The following BRD4 variants were observed in gnomAD, a reference collection of about 807,000 sequenced individuals.
BRD4 encodes the protein bromodomain containing 4.
Under a neutral mutation model 142.1 loss-of-function variants are expected in BRD4, and 16 were observed. That is an observed-to-expected ratio of 0.11 (90% CI 0.08 to 0.17). BRD4 has a LOEUF of 0.17. Among genes scored for constraint, BRD4 ranks in the 10% least tolerant of loss-of-function variants. BRD4 has a pLI of 1.00. For synonymous variants in BRD4, 833 were observed against 707.5 expected, an observed-to-expected ratio of 1.18 and a Z score of -2.82; for missense variants, 1,424 against 1,810.9, an observed-to-expected ratio of 0.79 and a Z score of 3.88.
intron 1 of BRD4, among the ~76,000 whole-genome samples, chr19:15,303,186 G>C (rs1360535821): frequency 1.3e-5 from 2 of 152,114 alleles, no homozygotes; most frequent in African/African-American, 2.4e-5. Context: ...CTGGAGAAGA[G>C]AAGCTATTTC....
intron 14 of BRD4, among the ~76,000 whole-genome samples, chr19:15,242,633 A>C (rs1056383808): frequency 6.6e-6 from 1 of 152,084 alleles, no homozygotes; most frequent in Non-Finnish European, 1.5e-5. Flanking sequence ...ACCTAGCAAG[A>C]AGTCACCTAG....
In BRD4 at chr19:15,257,073, G is replaced by A. The variant is rs765955810; in HGVS notation, c.1442C>T (p.Ala481Val). The A allele has an allele frequency of 6.2e-7, 1 of 1,605,736 alleles. No homozygotes were observed. The highest frequency in any genetic ancestry group is 8.5e-7 in the Non-Finnish European group (1 of 1,178,122). Reference sequence around the variant, plus strand: ...GCTGCTGTCGCTGGATGAGGGCGGGGCCACAACCTTGGTGGGAGGGGGCAC... The same window carrying A: ...GCTGCTGTCGCTGGATGAGGGCGGGACCACAACCTTGGTGGGAGGGGGCAC... ...PAVPPPTKVV[A>V]PPSSSDSSSD... is the part of the protein sequence containing the mutation. The change falls in exon 8 of 20, where the codon GCC becomes GTC. Residue 481 changes from alanine (A) to valine (V), a missense_variant. Ala to Val is a moderately conservative substitution (Grantham distance 64, BLOSUM62 0). Transcript: ENST00000679869.
At chr19:15,307,031 T>C (rs2047920152) in intron 1 of BRD4, among the ~76,000 whole-genome samples, 1 of 152,144 alleles carries the variant, frequency 6.6e-6, no homozygotes, top group Admixed American at 6.6e-5. Context: ...AAACGAGGTA[T>C]ACCTATACAT....
intron 1 of BRD4, among the ~76,000 whole-genome samples, chr19:15,286,035 C>T (rs1261903103): frequency 1.3e-5 from 2 of 152,198 alleles, no homozygotes; most frequent in African/African-American, 2.4e-5. Context: ...AGGCTTGCCT[C>T]GTCCAGGGAG....
At chr19:15,310,188 A>C (rs1366033950) in intron 1 of BRD4, among the ~76,000 whole-genome samples, 1 of 149,006 alleles carries the variant, frequency 6.7e-6, no homozygotes, top group Non-Finnish European at 1.5e-5. Flanking sequence ...TGAAAGGGTG[A>C]GATCCAATCC....
chr19:15,278,105 C>CAAAA (rs59204229), intron 1 of BRD4, among the ~76,000 whole-genome samples: 47 of 55,034 alleles, frequency 8.5e-4, no homozygotes, highest in Non-Finnish European at 1.2e-3. Context: ...GACTCCGTCT[C>CAAAA]AAAAAAAAAA....
At chr19:15,273,584 T>A (rs2145627011) in intron 1 of BRD4, among the ~76,000 whole-genome samples, 1 of 152,306 alleles carries the variant, frequency 6.6e-6, no homozygotes. Context: ...ACACAAAGCA[T>A]CGAGCAAAGT....
rs529353215 is a variant in BRD4 at position 15,250,214 on chromosome 19, C to T, written c.2158+3938G>A. The stretch of plus-strand genomic sequence containing the variant: ...CCATGAAGCCCCAGAATCCCTCCAG[C>T]TGCAAATGCTGGCTGTTTGTGGGGG... On this transcript the variant is annotated intron_variant, in intron 11 of 19. Transcript: ENST00000679869. Among the ~76,000 whole-genome samples, 4 of 152,364 alleles carry T rather than the reference C, an allele frequency of 2.6e-5. No individual in the cohort carries two copies. In the East Asian group the frequency reaches 7.7e-4, roughly 29 times the overall value.
chr19:15,322,990 C>T (rs2048076953), intron 1 of BRD4, among the ~76,000 whole-genome samples: 1 of 151,416 alleles, frequency 6.6e-6, no homozygotes. Context: ...GTGGAGCTTT[C>T]AGTGAGCTGA....
At chr19:15,301,865 GAAAAAAAAA>G (rs952860124) in intron 1 of BRD4, among the ~76,000 whole-genome samples, 3,151 of 40,484 alleles carry the variant, frequency 0.078, 40 homozygotes, top group Non-Finnish European at 0.11. Context: ...CCGTCTCAAA[GAAAAAAAAA>G]AAAAAAAAAA....
At chr19:15,313,711 G>A (rs117070764) in intron 1 of BRD4, among the ~76,000 whole-genome samples, 1 of 152,280 alleles carries the variant, frequency 6.6e-6, no homozygotes, top group East Asian at 1.9e-4. Flanking sequence ...AGTAAGAACT[G>A]TTTAATGTAT....
At chr19:15,294,237 T>C (rs947724197) in intron 1 of BRD4, among the ~76,000 whole-genome samples, 2 of 152,268 alleles carry the variant, frequency 1.3e-5, no homozygotes, top group Non-Finnish European at 2.9e-5. Context: ...AATGTTCTTG[T>C]TCCCTTGCAT....
chr19:15,243,791 C>G (rs1398810064), intron 13 of BRD4, among the ~76,000 whole-genome samples: 1 of 152,182 alleles, frequency 6.6e-6, no homozygotes, highest in Non-Finnish European at 1.5e-5. Flanking sequence ...CGGCCATTCC[C>G]CAGGCCCCCA....
At chr19:15,240,660 T>C (rs2047231455) in intron 14 of BRD4, among the ~76,000 whole-genome samples, 1 of 152,180 alleles carries the variant, frequency 6.6e-6, no homozygotes, top group Admixed American at 6.5e-5. Context: ...GCCTGACACC[T>C]GCATCCAACC....
chr19:15,255,128 G>A (rs57638807), intron 10 of BRD4, among the ~76,000 whole-genome samples, 169 bp downstream of exon 10: 2,114 of 151,270 alleles, frequency 0.014, 42 homozygotes, highest in African/African-American at 0.048. Flanking sequence ...CAGCCTAGGG[G>A]TGAGTGCAAT....
At chr19:15,295,094 T>C (rs912210480) in intron 1 of BRD4, among the ~76,000 whole-genome samples, 2 of 152,212 alleles carry the variant, frequency 1.3e-5, no homozygotes, top group Non-Finnish European at 1.5e-5. Flanking sequence ...AACCATATTG[T>C]TGAAGTTGAA....
At chr19:15,259,607 T>G (rs1489261771) in intron 7 of BRD4, among the ~76,000 whole-genome samples, 1 of 152,238 alleles carries the variant, frequency 6.6e-6, no homozygotes, top group Non-Finnish European at 1.5e-5. Flanking sequence ...CATCCTTCCC[T>G]GTCTCTTGGA....
intron 1 of BRD4, among the ~76,000 whole-genome samples, chr19:15,311,284 T>G (rs1345700118): frequency 6.7e-6 from 1 of 149,396 alleles, no homozygotes; most frequent in Non-Finnish European, 1.5e-5. Flanking sequence ...AGAGCGAAAC[T>G]CTGTCTCAAA....
At chr19:15,249,294 C>A in intron 11 of BRD4, 2 of 1,613,906 alleles carry the variant, frequency 1.2e-6, no homozygotes, top group Non-Finnish European at 1.7e-6. Flanking sequence ...GCAGGACCTA[C>A]GTAGAGGGAG....
Sources: allele counts gnomAD v4.1 joint callset (sites outside exome capture counted in the v4.1 genomes callset), GRCh38; gene constraint gnomAD v4.1.1; transcripts MANE v1.5; gene names NCBI Gene and HGNC (gene_info 2026-07-23, HGNC 2026-07-21).